The following FCHSD2 variants were observed in gnomAD, a reference collection of about 807,000 sequenced individuals.
FCHSD2 encodes the protein F-BAR and double SH3 domains protein 2.
A neutral mutation model predicts 108.1 loss-of-function variants in FCHSD2; 38 were observed. The ratio of observed to expected loss-of-function variants is 0.35; its 90% CI spans 0.27 to 0.46. FCHSD2 has a LOEUF of 0.46. Ranked by LOEUF, FCHSD2 falls within the 20% of genes least tolerant of loss-of-function variation. The pLI, the probability that FCHSD2 is intolerant of heterozygous loss-of-function variation, is 1.00. For missense variants in FCHSD2, 751 were observed against 897.8 expected (o/e 0.84, Z 2.09); for synonymous variants, 279 against 314.7 (o/e 0.89, Z 1.20).
intron 2 of FCHSD2, among the ~76,000 whole-genome samples, chr11:73,098,610 A>G (rs189573466): frequency 2.5e-4 from 38 of 152,302 alleles, no homozygotes; most frequent in African/African-American, 7.7e-4. Flanking sequence ...CCAGGAAAAA[A>G]AAAACAAACA....
intron 2 of FCHSD2, among the ~76,000 whole-genome samples, chr11:73,103,370 T>C (rs1159460103): frequency 6.6e-6 from 1 of 152,194 alleles, no homozygotes; most frequent in Non-Finnish European, 1.5e-5. Context: ...TAAAAAAAAT[T>C]ACTTCATTGT....
At position 73,015,821 on chromosome 11, in the gene FCHSD2, C is replaced by T. The variant is rs569167163; in HGVS notation, c.230G>A (p.Arg77Gln). 76 of 1,601,780 alleles carry T rather than the reference C, an allele frequency of 4.7e-5. No individual in the cohort carries two copies. The highest frequency in any genetic ancestry group is 2.7e-4 in the South Asian group (24 of 89,450). ...RDWPGVKADD[R>Q]NDYRSMYPVW... is the part of the protein sequence containing the mutation. ...ACTACTAATTTACCTGTAATCATTC[C>T]GATCATCAGCTTTTACTCCAGGCCA... The change falls in exon 4 of 20, where the codon CGG (arginine) becomes CAG (glutamine). Residue 77 changes from arginine (R) to glutamine (Q), a missense_variant. Arg to Gln is a conservative substitution (Grantham distance 43, BLOSUM62 1). Transcript: ENST00000409418.
At chr11:73,025,179 A>G (rs2135444093) in intron 3 of FCHSD2, among the ~76,000 whole-genome samples, 1 of 152,366 alleles carries the variant, frequency 6.6e-6, no homozygotes, top group South Asian at 2.1e-4. Context: ...TTATAAAGAT[A>G]CATGCACACA....
At chr11:72,845,154 C>T (rs1038502552) in intron 14 of FCHSD2, among the ~76,000 whole-genome samples, 2 of 152,138 alleles carry the variant, frequency 1.3e-5, no homozygotes, top group Non-Finnish European at 2.9e-5. Context: ...AGTGAGGTGG[C>T]TCACGTCTGT....
intron 2 of FCHSD2, among the ~76,000 whole-genome samples, chr11:73,086,442 T>C (rs1343759306): frequency 2.7e-5 from 4 of 150,850 alleles, no homozygotes; most frequent in Admixed American, 1.3e-4. Flanking sequence ...AAAAGATCAA[T>C]CTCAAATCAA....
chr11:72,938,326 A>G (rs915481924), intron 8 of FCHSD2, among the ~76,000 whole-genome samples: 1 of 152,116 alleles, frequency 6.6e-6, no homozygotes, highest in Non-Finnish European at 1.5e-5. Context: ...ACTTGAATTT[A>G]ATGTCAGCCA....
intron 2 of FCHSD2, among the ~76,000 whole-genome samples, chr11:73,106,549 T>C (rs1301304227): frequency 6.6e-6 from 1 of 152,142 alleles, no homozygotes. Context: ...GTCTGAATAC[T>C]ACAACTTTAA....
chr11:72,929,567 C>T (rs537928274), intron 8 of FCHSD2, among the ~76,000 whole-genome samples: 1 of 152,092 alleles, frequency 6.6e-6, no homozygotes, highest in Non-Finnish European at 1.5e-5. Flanking sequence ...TTGCTCCAGC[C>T]CCCTGCCTTA....
intron 3 of FCHSD2, among the ~76,000 whole-genome samples, chr11:73,035,378 G>A (rs983188259): frequency 3.3e-5 from 5 of 151,918 alleles, no homozygotes; most frequent in Non-Finnish European, 5.9e-5. Context: ...CATGTTGCCC[G>A]GCTGTTCTCG....
Position 72,867,859 on chromosome 11 carries a change from T to C in FCHSD2, c.1308+6A>G. 1 of 1,609,546 alleles carries C rather than the reference T, an allele frequency of 6.2e-7. No individual in the cohort carries two copies. Among genetic ancestry groups the C allele is most frequent in the African/African-American group, 1.3e-5 (1 of 74,944 alleles). On this transcript the variant is annotated splice_donor_region_variant and intron_variant, in intron 13 of 19. Transcript: ENST00000409418. ...AACTTGTCATATCCAAGAAAAGAAA[T>C]CGTACCGAGTGTAAAGTGCCATTAC...
At chr11:72,939,530 C>A (rs1392795900) in intron 8 of FCHSD2, among the ~76,000 whole-genome samples, 1 of 144,992 alleles carries the variant, frequency 6.9e-6, no homozygotes, top group Admixed American at 7.0e-5. Context: ...ATTTCAGTTT[C>A]TTGGTTAGAA....
Position 73,099,686 on chromosome 11 carries a change from C to T in FCHSD2, c.120-15946G>A, listed in dbSNP as rs191346354. ...GTCAGGCGTTAGGCTTAGCGGCGCT[C>T]ACCACCCTGGTTCTTCTGCACCCTC... On this transcript the variant is annotated intron_variant, in intron 2 of 19. Transcript: ENST00000409418. 4.3e-3 allele frequency among the ~76,000 whole-genome samples: 657 copies of T among 152,378 alleles called. 1 individual carries two copies. Among genetic ancestry groups the T allele is most frequent in the African/African-American group, 0.015 (639 of 41,582 alleles).
intron 5 of FCHSD2, among the ~76,000 whole-genome samples, chr11:72,992,854 A>G (rs1385830136): frequency 6.6e-6 from 1 of 152,252 alleles, no homozygotes; most frequent in East Asian, 1.9e-4. Flanking sequence ...ATAGGCAAGG[A>G]CTTCATGTCT....
rs184449954 is a variant in FCHSD2 at position 72,838,272 on chromosome 11, T to C, written c.*519A>G. ...TCCCAATAAGGTTTCACTTTCTCAG[T>C]CTGGGGACTAACCTTGGGGAGGAGC... On this transcript the variant is annotated 3_prime_UTR_variant, in exon 20 of 20. Transcript: ENST00000409418. 1 of 153,978 alleles carries C rather than the reference T, an allele frequency of 6.5e-6. No homozygotes were observed. The highest frequency in any genetic ancestry group is 1.9e-4 in the East Asian group (1 of 5,246). The allele number at this position is 153,978 out of a possible 1,614,324, so 9.5% of individuals were successfully genotyped here. A position where few individuals can be genotyped will look rare whatever the true frequency, so the allele number is the denominator to read the frequency against.
chr11:73,102,950 G>A (rs182320430), intron 2 of FCHSD2, among the ~76,000 whole-genome samples: 154 of 152,276 alleles, frequency 1.0e-3, no homozygotes, highest in Non-Finnish European at 1.7e-3. Flanking sequence ...CAACATGGAT[G>A]AATCTCAAAA....
At chr11:73,004,246 A>G (rs1332404873) in intron 4 of FCHSD2, among the ~76,000 whole-genome samples, 1 of 152,060 alleles carries the variant, frequency 6.6e-6, no homozygotes. Context: ...ATTCTGTAAG[A>G]TAGGTATTAT....
At chr11:73,029,526 C>G (rs1235735780) in intron 3 of FCHSD2, among the ~76,000 whole-genome samples, 1 of 152,138 alleles carries the variant, frequency 6.6e-6, no homozygotes, top group East Asian at 1.9e-4. Flanking sequence ...GGAACAACTC[C>G]TATGCTCCTT....
chr11:72,994,101 C>G (rs946328820), intron 5 of FCHSD2, among the ~76,000 whole-genome samples: 12 of 152,076 alleles, frequency 7.9e-5, no homozygotes, highest in African/African-American at 2.9e-4. Flanking sequence ...CTAGACCTGT[C>G]ACTTGGAGGA....
intron 3 of FCHSD2, among the ~76,000 whole-genome samples, chr11:73,028,921 C>T (rs1858294059): frequency 6.6e-6 from 1 of 152,154 alleles, no homozygotes; most frequent in Non-Finnish European, 1.5e-5. Context: ...TGAAGGCTCC[C>T]AAGCCACGTG....
Sources: allele counts gnomAD v4.1 joint callset (sites outside exome capture counted in the v4.1 genomes callset), GRCh38; gene constraint gnomAD v4.1.1; transcripts MANE v1.5; gene names NCBI Gene and HGNC (gene_info 2026-07-23, HGNC 2026-07-21).